HDGFL3: variants seen among roughly 807,000 people sequenced by gnomAD.
HDGFL3 encodes the protein HDGF like 3.
A neutral mutation model predicts 27.6 loss-of-function variants in HDGFL3; 6 were observed. The ratio of observed to expected loss-of-function variants is 0.22; its 90% CI spans 0.12 to 0.43. The LOEUF is 0.43. HDGFL3 is among the 20% of genes least tolerant of loss of function. The pLI, the probability that HDGFL3 is intolerant of heterozygous loss-of-function variation, is 1.00. For missense variants in HDGFL3, 207 were observed against 250.1 expected, an observed-to-expected ratio of 0.83 and a Z score of 1.16; for synonymous variants, 88 against 88.9, an observed-to-expected ratio of 0.99 and a Z score of 0.05.
chr15:83,150,375 T>C (rs1038021266), intron 5 of HDGFL3, among the ~76,000 whole-genome samples: 3 of 151,884 alleles, frequency 2.0e-5, no homozygotes, highest in African/African-American at 7.3e-5. Context: ...TAAAGAAAAG[T>C]CAAGAGGATG....
At chr15:83,126,386 A>G (rs1212019385), downstream of HDGFL3, among the ~76,000 whole-genome samples, 4 of 152,220 alleles carry the variant, frequency 2.6e-5, no homozygotes, top group Non-Finnish European at 5.9e-5. Context: ...AGTAAGATGA[A>G]TTTGGTGTAG....
At chr15:83,178,518 G>C (rs1205686462) in intron 1 of HDGFL3, among the ~76,000 whole-genome samples, 1 of 152,102 alleles carries the variant, frequency 6.6e-6, no homozygotes, top group Admixed American at 6.6e-5. Flanking sequence ...AATAAAATTA[G>C]CCAGGTGTGG....
At position 83,136,565 on chromosome 15, in the gene HDGFL3, T is replaced by C; in HGVS notation, c.*2705A>G. 1 of 1,613,904 alleles carries C rather than the reference T, an allele frequency of 6.2e-7. No homozygotes were observed. Among genetic ancestry groups the C allele is most frequent in the Admixed American group, 1.7e-5 (1 of 59,970 alleles). On this transcript the variant is annotated 3_prime_UTR_variant, in exon 6 of 6. Transcript: ENST00000299633. ...CCCTGAAGAAGCAAAAATCCTTTTT[T>C]TAGCATTAAACATAGCATATGGAGT...
chr15:83,164,890 G>T (rs1596554471), intron 1 of HDGFL3, among the ~76,000 whole-genome samples: 2 of 152,184 alleles, frequency 1.3e-5, no homozygotes, highest in Admixed American at 1.3e-4. Flanking sequence ...GCCATGATTC[G>T]GCAGTGTGAA....
At chr15:83,199,715 C>T (rs74028255) in intron 1 of HDGFL3, among the ~76,000 whole-genome samples, 264 of 152,138 alleles carry the variant, frequency 1.7e-3, no homozygotes, top group African/African-American at 6.0e-3. Context: ...TTATCTTGTC[C>T]CCAAATCCTG....
At chr15:83,125,124 C>T (rs1341415078), downstream of HDGFL3, among the ~76,000 whole-genome samples, 2 of 152,160 alleles carry the variant, frequency 1.3e-5, no homozygotes, top group African/African-American at 2.4e-5. Flanking sequence ...AGGACTGCAA[C>T]ACAACTGTGG....
In HDGFL3 at chr15:83,134,511, C is replaced by G. The variant is rs2036483301; in HGVS notation, c.*4759G>C. ...GTACTGGGATTACAGGCGTGAGCCA[C>G]TGCGCCCGGCCATGATTCACTTAAT... On this transcript the variant is annotated 3_prime_UTR_variant, in exon 6 of 6. Coordinates refer to ENST00000299633, the MANE Select transcript of HDGFL3 (RefSeq NM_016073.4). 6.6e-6 allele frequency: 1 copy of G among 152,354 alleles called. No individual in the cohort carries two copies. The highest frequency in any genetic ancestry group is 1.5e-5 in the Non-Finnish European group (1 of 68,152). The allele number at this position is 152,354 out of a possible 1,614,324, so 9.4% of individuals were successfully genotyped here. A position where few individuals can be genotyped will look rare whatever the true frequency, so the allele number is the denominator to read the frequency against.
chr15:83,124,674 T>A (rs1472420648), downstream of HDGFL3: 3 of 1,613,702 alleles, frequency 1.9e-6, no homozygotes, highest in African/African-American at 1.3e-5. Context: ...TATTTTAGGT[T>A]ATTCAAGAAG....
At chr15:83,185,521 G>A (rs1017662104) in intron 1 of HDGFL3, among the ~76,000 whole-genome samples, 1 of 152,198 alleles carries the variant, frequency 6.6e-6, no homozygotes, top group Non-Finnish European at 1.5e-5. Context: ...ATCAGCTAGA[G>A]ACTGTGTGAG....
At position 83,135,355 on chromosome 15, in the gene HDGFL3, G is replaced by A. The variant is rs1022988513; in HGVS notation, c.*3915C>T. 1.3e-5 allele frequency: 2 copies of A among 152,156 alleles called. No homozygotes were observed. Among genetic ancestry groups the A allele is most frequent in the Non-Finnish European group, 2.9e-5 (2 of 68,028 alleles). The allele number at this position is 152,156 out of a possible 1,614,324, so 9.4% of individuals were successfully genotyped here. A position where few individuals can be genotyped will look rare whatever the true frequency, so the allele number is the denominator to read the frequency against. On this transcript the variant is annotated 3_prime_UTR_variant, in exon 6 of 6. Coordinates refer to ENST00000299633, the MANE Select transcript of HDGFL3 (RefSeq NM_016073.4). ...GTAAAATAACTTATATGTATTTAAAGCAAATTATCTAGTTCTTCATTCTTG... is the reference window on the plus strand; with the variant it reads ...GTAAAATAACTTATATGTATTTAAAACAAATTATCTAGTTCTTCATTCTTG...
chr15:83,132,697 A>C lies in HDGFL3; in HGVS notation c.*6573T>G, dbSNP rs1173982422. The C allele has an allele frequency of 1.3e-5, 2 of 152,080 alleles. No individual in the cohort carries two copies. The highest frequency in any genetic ancestry group is 4.8e-5 in the African/African-American group (2 of 41,404). The allele number at this position is 152,080 out of a possible 1,614,324, so 9.4% of individuals were successfully genotyped here. On this transcript the variant is annotated 3_prime_UTR_variant, in exon 6 of 6. Coordinates refer to ENST00000299633, the MANE Select transcript of HDGFL3 (RefSeq NM_016073.4). Reference sequence around the variant, plus strand: ...GTATGAGCCACCACGCTCAGCCTGGAAGTAAATTTCATACGGTTTTTCCCT... The same window carrying C: ...GTATGAGCCACCACGCTCAGCCTGGCAGTAAATTTCATACGGTTTTTCCCT...
intron 1 of HDGFL3, among the ~76,000 whole-genome samples, chr15:83,182,438 G>GA (rs1213235615): frequency 6.6e-5 from 10 of 152,282 alleles, no homozygotes; most frequent in African/African-American, 2.4e-4. Flanking sequence ...GTGTCCTAAT[G>GA]AAAGTGGCCA....
At chr15:83,150,441 T>A (rs1164878763) in intron 5 of HDGFL3, among the ~76,000 whole-genome samples, 2 of 151,950 alleles carry the variant, frequency 1.3e-5, no homozygotes, top group Non-Finnish European at 2.9e-5. Flanking sequence ...AAGAGAACAA[T>A]CAGAATCATA....
At position 83,194,107 on chromosome 15, in the gene HDGFL3, T is replaced by C. The variant is rs150108214; in HGVS notation, c.84+13224A>G. 2.8e-3 allele frequency among the ~76,000 whole-genome samples: 429 copies of C among 152,268 alleles called. 3 individuals are homozygous for C. The highest frequency in any genetic ancestry group is 9.8e-3 in the African/African-American group (406 of 41,550). ...AACAGAATGTAGGGTCTTTAAGAGA[T>C]AGTTGTACATTCATGTTCATAACAG... On this transcript the variant is annotated intron_variant, in intron 1 of 5. Coordinates refer to ENST00000299633, the MANE Select transcript of HDGFL3 (RefSeq NM_016073.4).
At position 83,200,996 on chromosome 15, in the gene HDGFL3, C is replaced by T. The variant is rs1013821257; in HGVS notation, c.84+6335G>A. ...AATTTATAATCTCTATCCTCTATTT[C>T]AATGAGGGTACTTTTATGCAGGAGA... On this transcript the variant is annotated intron_variant, in intron 1 of 5. Transcript: ENST00000299633. Among the ~76,000 whole-genome samples, 3 of 151,502 alleles carry T rather than the reference C, an allele frequency of 2.0e-5. No homozygotes were observed. The South Asian group carries it at 6.2e-4, about 32-fold the overall frequency.
Position 83,207,522 on chromosome 15 carries a change from G to C in HDGFL3, c.-108C>G. 3.4e-6 allele frequency: 3 copies of C among 893,520 alleles called. No homozygotes were observed. Among genetic ancestry groups the C allele is most frequent in the Non-Finnish European group, 4.4e-6 (3 of 679,532 alleles). The allele number at this position is 893,520 out of a possible 1,614,324, so 55.3% of individuals were successfully genotyped here. A position where few individuals can be genotyped will look rare whatever the true frequency, so the allele number is the denominator to read the frequency against. ...CGCGCTCCCCGCGGGCCTCAAGCCG[G>C]GCGGACGAGCGGCCGCTCCGACGAG... On this transcript the variant is annotated 5_prime_UTR_variant, in exon 1 of 6. Transcript: ENST00000299633. The surrounding 1 kb of genome is among the most constrained non-coding windows in gnomAD (Gnocchi z 4.8).
downstream of HDGFL3, chr15:83,124,623 T>C: frequency 7.0e-7 from 1 of 1,426,410 alleles, no homozygotes; most frequent in South Asian, 1.2e-5. Context: ...GATTTCAGAT[T>C]CTTCTTTGGC....
downstream of HDGFL3, chr15:83,124,789 GATC>G (rs745440734): frequency 6.3e-7 from 1 of 1,590,316 alleles, no homozygotes; most frequent in Admixed American, 1.7e-5. Context: ...AAGCATAACA[GATC>G]ATAATAACGT....
At position 83,137,618 on chromosome 15, in the gene HDGFL3, G is replaced by T. The variant is rs1283714716; in HGVS notation, c.*1652C>A. ...TACTATCTTTTTATGAACTTTTCAT[G>T]TTTGGGATTGTATGTTGAGTATACT... On this transcript the variant is annotated 3_prime_UTR_variant, in exon 6 of 6. Transcript: ENST00000299633. The T allele has an allele frequency of 6.6e-6, 1 of 152,104 alleles. No homozygotes were observed. The highest frequency in any genetic ancestry group is 1.5e-5 in the Non-Finnish European group (1 of 68,000). 9.4% of individuals were successfully genotyped at this position (152,104 alleles called of 1,614,324 possible). A position where few individuals can be genotyped will look rare whatever the true frequency, so the allele number is the denominator to read the frequency against.
Sources: allele counts gnomAD v4.1 joint callset (sites outside exome capture counted in the v4.1 genomes callset), GRCh38; gene constraint gnomAD v4.1.1; non-coding constraint Gnocchi (gnomAD v3.1); transcripts MANE v1.5; gene names NCBI Gene and HGNC (gene_info 2026-07-23, HGNC 2026-07-21).